PRKAR2A: variants seen among roughly 807,000 people sequenced by gnomAD.
PRKAR2A encodes the protein protein kinase cAMP-dependent type II regulatory subunit alpha, also known as cAMP-dependent protein kinase type II-alpha regulatory subunit.
In PRKAR2A, 29 loss-of-function variants were observed where a neutral mutation model predicts 51.9. The ratio of observed to expected loss-of-function variants is 0.56; its 90% CI spans 0.42 to 0.76. PRKAR2A has a LOEUF of 0.76. Among genes scored for constraint, PRKAR2A ranks in the 30% least tolerant of loss-of-function variants. PRKAR2A has a pLI of 0.00. For synonymous variants in PRKAR2A, 178 were observed against 186.2 expected (o/e 0.96, Z 0.36); for missense variants, 445 against 512.1 (o/e 0.87, Z 1.26).
rs567088681 is a variant in PRKAR2A at position 48,846,266 on chromosome 3, A to C, written c.262+1069T>G. On this transcript the variant is annotated intron_variant, in intron 1 of 10. Transcript: ENST00000265563. Reference sequence around the variant, plus strand: ...GAGTTCGCTCTGTCGCCCAGGCTGGAGTGCAGTGGCATGATCTTGGCTCAC... The same window carrying C: ...GAGTTCGCTCTGTCGCCCAGGCTGGCGTGCAGTGGCATGATCTTGGCTCAC... 5.5e-5 allele frequency among the ~76,000 whole-genome samples: 8 copies of C among 146,600 alleles called. No homozygotes were observed. In the South Asian group the frequency reaches 1.5e-3, roughly 28 times the overall value.
chr3:48,783,547 C>T (rs183125360), intron 4 of PRKAR2A, among the ~76,000 whole-genome samples: 61 of 152,246 alleles, frequency 4.0e-4, no homozygotes, highest in South Asian at 2.1e-4. Context: ...TAGCGAAACA[C>T]GTCACTTAAC....
At chr3:48,761,882 C>A (rs2081867724) in intron 8 of PRKAR2A, among the ~76,000 whole-genome samples, 2 of 152,194 alleles carry the variant, frequency 1.3e-5, no homozygotes, top group Non-Finnish European at 2.9e-5. Flanking sequence ...TTCAGCCTCC[C>A]AGAGTGCTGG....
At chr3:48,781,499 G>T (rs897227746) in intron 5 of PRKAR2A, among the ~76,000 whole-genome samples, 1 of 151,188 alleles carries the variant, frequency 6.6e-6, no homozygotes, top group African/African-American at 2.4e-5. Context: ...ACACCACCAC[G>T]CCCGGTTACT....
intron 2 of PRKAR2A, among the ~76,000 whole-genome samples, chr3:48,797,937 G>A (rs1451081994): frequency 1.3e-5 from 2 of 152,082 alleles, no homozygotes; most frequent in Non-Finnish European, 2.9e-5. Flanking sequence ...ACCTATCTTA[G>A]TTCCTAGACA....
chr3:48,764,143 T>G (rs1304577965), intron 8 of PRKAR2A, among the ~76,000 whole-genome samples: 1 of 152,198 alleles, frequency 6.6e-6, no homozygotes, highest in East Asian at 1.9e-4. Flanking sequence ...CTCCGTGCTC[T>G]TGAGCCAGAA....
intron 1 of PRKAR2A, among the ~76,000 whole-genome samples, chr3:48,824,405 A>G (rs1177062137): frequency 1.3e-5 from 2 of 151,830 alleles, no homozygotes; most frequent in Non-Finnish European, 2.9e-5. Flanking sequence ...CAAAAAAAAA[A>G]GGGGAGAAGG....
At chr3:48,782,521 T>C (rs991522349) in intron 5 of PRKAR2A, among the ~76,000 whole-genome samples, 6 of 151,952 alleles carry the variant, frequency 3.9e-5, no homozygotes, top group Non-Finnish European at 7.4e-5. Flanking sequence ...GCAACAACCT[T>C]TGCTAGGATT....
intron 1 of PRKAR2A, among the ~76,000 whole-genome samples, chr3:48,810,259 G>A (rs571147810): frequency 6.6e-6 from 1 of 152,026 alleles, no homozygotes; most frequent in East Asian, 1.9e-4. Context: ...CACACGTATA[G>A]ATGAATATAT....
intron 3 of PRKAR2A, 101 bp from the exon 4 acceptor site, chr3:48,790,728 G>A: frequency 2.9e-6 from 2 of 691,240 alleles, no homozygotes; most frequent in Non-Finnish European, 4.4e-6. Context: ...GAAAAATAAA[G>A]AGCATGGTTT....
intron 8 of PRKAR2A, among the ~76,000 whole-genome samples, chr3:48,758,524 A>C (rs191701500): frequency 5.4e-5 from 8 of 149,348 alleles, no homozygotes; most frequent in South Asian, 2.2e-4. Context: ...TGGAGGTCGC[A>C]GTAAGCCGAG....
intron 4 of PRKAR2A, among the ~76,000 whole-genome samples, chr3:48,789,384 C>A (rs756037111): frequency 2.0e-5 from 3 of 152,118 alleles, no homozygotes. Context: ...GTACTTAACA[C>A]GCACTGTGGC....
At chr3:48,787,719 T>A (rs902163476) in intron 4 of PRKAR2A, among the ~76,000 whole-genome samples, 3 of 152,226 alleles carry the variant, frequency 2.0e-5, no homozygotes, top group African/African-American at 7.2e-5. Context: ...ATGGTCCTTG[T>A]CTCATTCAGT....
chr3:48,835,328 C>T (rs2083263680), intron 1 of PRKAR2A, among the ~76,000 whole-genome samples: 1 of 151,652 alleles, frequency 6.6e-6, no homozygotes, highest in African/African-American at 2.4e-5. Flanking sequence ...ATGGCGAAAC[C>T]CTATCTCTAC....
Position 48,749,897 on chromosome 3 carries a change from C to CT in PRKAR2A, c.*1687dup, listed in dbSNP as rs927213976. 96 of 143,090 alleles carry CT rather than the reference C, an allele frequency of 6.7e-4. No homozygotes were observed. Among genetic ancestry groups the CT allele is most frequent in the Middle Eastern group, 3.6e-3 (1 of 274 alleles). The allele number at this position is 143,090 out of a possible 1,614,324, so 8.9% of individuals were successfully genotyped here. A position where few individuals can be genotyped will look rare whatever the true frequency, so the allele number is the denominator to read the frequency against. ...ACCTAAAGAATAATTTTTTTTCTTT[C>CT]TTTTTTTTTTTTTAAGAGACAGGGT... On this transcript the variant is annotated 3_prime_UTR_variant, in exon 11 of 11. Coordinates refer to ENST00000265563, the MANE Select transcript of PRKAR2A (RefSeq NM_004157.4).
In PRKAR2A at chr3:48,772,998, G is replaced by C. The variant is rs200561677; in HGVS notation, c.653C>G (p.Ala218Gly). The C allele has an allele frequency of 1.7e-5, 27 of 1,613,704 alleles. 1 individual carries two copies. The highest frequency in any genetic ancestry group is 1.3e-4 in the African/African-American group (10 of 74,912). The change falls in exon 6 of 11, where the codon GCT becomes GGT. Residue 218 changes from alanine (A) to glycine (G), a missense_variant. Coordinates refer to ENST00000265563, the MANE Select transcript of PRKAR2A (RefSeq NM_004157.4). ...TTCTGAGGTAGCAACAATGGTAGCA[G>C]CTCTCGGGGTGTTGTACATCAGAGC... ...ELALMYNTPR[A>G]ATIVATSEGS...
chr3:48,786,125 T>C (rs1158732778), intron 4 of PRKAR2A, among the ~76,000 whole-genome samples: 1 of 151,168 alleles, frequency 6.6e-6, no homozygotes, highest in African/African-American at 2.4e-5. Context: ...TTGGTTTTTT[T>C]TTGTTTTTTT....
At chr3:48,835,390 C>T (rs2083265350) in intron 1 of PRKAR2A, among the ~76,000 whole-genome samples, 1 of 152,080 alleles carries the variant, frequency 6.6e-6, no homozygotes, top group African/African-American at 2.4e-5. Flanking sequence ...GCTTCTAATC[C>T]CAGCACTTTG....
chr3:48,775,438 A>AAAACAAAC (rs536713204), intron 5 of PRKAR2A, among the ~76,000 whole-genome samples: 1 of 151,398 alleles, frequency 6.6e-6, no homozygotes, highest in African/African-American at 2.4e-5. Flanking sequence ...GCTCTGTCTC[A>AAAACAAAC]AAACAAACAA....
At chr3:48,825,730 C>T (rs1214783392) in intron 1 of PRKAR2A, among the ~76,000 whole-genome samples, 1 of 152,102 alleles carries the variant, frequency 6.6e-6, no homozygotes, top group Non-Finnish European at 1.5e-5. Flanking sequence ...GCCACATCCC[C>T]CTTCTGGTGT....
Sources: allele counts gnomAD v4.1 joint callset (sites outside exome capture counted in the v4.1 genomes callset), GRCh38; gene constraint gnomAD v4.1.1; transcripts MANE v1.5; gene names NCBI Gene and HGNC (gene_info 2026-07-23, HGNC 2026-07-21).